The following FRMD4A variants were observed in gnomAD, a reference collection of about 807,000 sequenced individuals.
The protein encoded by FRMD4A is FERM domain-containing protein 4A.
In FRMD4A, 29 loss-of-function variants were observed where a neutral mutation model predicts 129.1. The observed-to-expected ratio is 0.22, with a 90% confidence interval of 0.17 to 0.31. FRMD4A has a LOEUF of 0.31. Ranked by LOEUF, FRMD4A falls within the 10% of genes least tolerant of loss-of-function variation. FRMD4A has a pLI of 1.00. For missense variants in FRMD4A, 1,272 were observed against 1,375.8 expected (o/e 0.92, Z 1.19); for synonymous variants, 634 against 571.6 (o/e 1.11, Z -1.56).
chr10:14,032,698 C>G (rs7907857), intron 2 of FRMD4A, among the ~76,000 whole-genome samples: 31,594 of 152,168 alleles, frequency 0.21, 3,778 homozygotes, highest in East Asian at 0.44. Context: ...TGTTCTGTGC[C>G]GTGTCCACCA....
intron 3 of FRMD4A, among the ~76,000 whole-genome samples, chr10:13,851,538 A>G (rs1360634917): frequency 6.6e-6 from 1 of 152,000 alleles, no homozygotes; most frequent in Non-Finnish European, 1.5e-5. Context: ...CAGCAGCAGC[A>G]TTAGATTCTC....
intron 2 of FRMD4A, among the ~76,000 whole-genome samples, chr10:13,987,507 A>C (rs894961781): frequency 6.6e-6 from 1 of 152,226 alleles, no homozygotes; most frequent in African/African-American, 2.4e-5. Flanking sequence ...GTGATATTTC[A>C]GTACTTGAGT....
chr10:14,322,236 C>A (rs191998487), intron 2 of FRMD4A, among the ~76,000 whole-genome samples: 497 of 152,208 alleles, frequency 3.3e-3, no homozygotes, highest in South Asian at 9.1e-3. Flanking sequence ...GAAACTGAGG[C>A]AGCAGAAGCA....
At chr10:13,702,540 ATGTGTGTGTGTGTG>A (rs398012859) in intron 13 of FRMD4A, among the ~76,000 whole-genome samples, 7 of 107,718 alleles carry the variant, frequency 6.5e-5, no homozygotes, top group African/African-American at 1.9e-4. Flanking sequence ...GTGTGTTTGC[ATGTGTGTGTGTGTG>A]TGTGTGTGTG....
At position 13,707,021 on chromosome 10, in the gene FRMD4A, G is replaced by A; in HGVS notation, c.836+16C>T. 1.4e-6 allele frequency: 2 copies of A among 1,406,148 alleles called. No individual in the cohort carries two copies. Among genetic ancestry groups the A allele is most frequent in the Non-Finnish European group, 2.0e-6 (2 of 990,234 alleles). The allele number at this position is 1,406,148 out of a possible 1,614,324, so 87.1% of individuals were successfully genotyped here. A position where few individuals can be genotyped will look rare whatever the true frequency, so the allele number is the denominator to read the frequency against. ...GAGCCACGCCATCCCGCAAGAAAAG[G>A]ACTTTTCAAGCTTACCTGCGTGGGT... On this transcript the variant is annotated intron_variant, in intron 13 of 24. Transcript: ENST00000357447.
chr10:14,158,837 A>G (rs1024810862), intron 2 of FRMD4A, among the ~76,000 whole-genome samples: 5 of 137,030 alleles, frequency 3.6e-5, no homozygotes, highest in Non-Finnish European at 6.3e-5. Context: ...AGGAGGAGAA[A>G]GAGGAGGAGG....
intron 2 of FRMD4A, among the ~76,000 whole-genome samples, chr10:14,115,717 C>T (rs895958997): frequency 2.6e-5 from 4 of 152,194 alleles, no homozygotes; most frequent in Non-Finnish European, 5.9e-5. Flanking sequence ...CTCTCTCTTG[C>T]CATGTGACAT....
chr10:14,068,950 G>T (rs114852962), intron 2 of FRMD4A, among the ~76,000 whole-genome samples: 1 of 140,698 alleles, frequency 7.1e-6, no homozygotes. Flanking sequence ...AATACGTCTC[G>T]AATGTTTTGT....
chr10:13,664,487 T>A (rs969703646), intron 18 of FRMD4A, among the ~76,000 whole-genome samples: 3 of 151,964 alleles, frequency 2.0e-5, no homozygotes, highest in Admixed American at 6.6e-5. Context: ...AAAAGAATTT[T>A]AAAAAATTCT....
intron 2 of FRMD4A, among the ~76,000 whole-genome samples, chr10:14,221,737 T>A (rs78081069): frequency 2.1e-5 from 3 of 139,910 alleles, no homozygotes; most frequent in South Asian, 4.6e-4. Flanking sequence ...TTTTTTTTTT[T>A]AGAGATGGGG....
chr10:14,069,039 TC>T (rs1198030252), intron 2 of FRMD4A, among the ~76,000 whole-genome samples: 2 of 152,028 alleles, frequency 1.3e-5, no homozygotes, highest in Non-Finnish European at 2.9e-5. Flanking sequence ...AACACCTCCA[TC>T]CCCACCCCCA....
chr10:13,771,801 T>C (rs1373801769), intron 6 of FRMD4A, among the ~76,000 whole-genome samples: 1 of 152,040 alleles, frequency 6.6e-6, no homozygotes, highest in African/African-American at 2.4e-5. Flanking sequence ...CATTGCCAGC[T>C]GGGTGCGGTG....
intron 2 of FRMD4A, among the ~76,000 whole-genome samples, chr10:13,948,606 G>A (rs1479269320): frequency 6.6e-6 from 1 of 151,760 alleles, no homozygotes; most frequent in Non-Finnish European, 1.5e-5. Flanking sequence ...CAGAGAGCAG[G>A]TGGTGGGGAT....
chr10:14,103,815 C>T (rs576807728), intron 2 of FRMD4A, among the ~76,000 whole-genome samples: 1 of 152,232 alleles, frequency 6.6e-6, no homozygotes, highest in African/African-American at 2.4e-5. Context: ...TCCCTCCCTC[C>T]CTATCATCTA....
intron 2 of FRMD4A, among the ~76,000 whole-genome samples, chr10:14,103,178 C>A (rs1588980231): frequency 6.6e-6 from 1 of 152,308 alleles, no homozygotes; most frequent in South Asian, 2.1e-4. Flanking sequence ...GGCCAGCATC[C>A]ACCCCAAGAT....
chr10:14,081,168 G>A (rs967985913), intron 2 of FRMD4A, among the ~76,000 whole-genome samples: 3 of 152,132 alleles, frequency 2.0e-5, no homozygotes, highest in East Asian at 3.9e-4. Flanking sequence ...ATAAAACCAC[G>A]GTAGTCAAGT....
At chr10:14,116,721 C>A (rs1475442093) in intron 2 of FRMD4A, among the ~76,000 whole-genome samples, 1 of 152,146 alleles carries the variant, frequency 6.6e-6, no homozygotes, top group African/African-American at 2.4e-5. Context: ...GTCCCCTGGC[C>A]CTCCATAAAT....
At chr10:13,681,277 G>A (rs1317199539) in intron 15 of FRMD4A, among the ~76,000 whole-genome samples, 1 of 152,156 alleles carries the variant, frequency 6.6e-6, no homozygotes, top group Non-Finnish European at 1.5e-5. Context: ...TCATTAACCA[G>A]TGCCTAAAGG....
At chr10:14,153,767 A>G (rs1180245131) in intron 2 of FRMD4A, among the ~76,000 whole-genome samples, 2 of 152,234 alleles carry the variant, frequency 1.3e-5, no homozygotes, top group South Asian at 2.1e-4. Flanking sequence ...ACTGGGAAGC[A>G]CTGGCAGAAA....
Sources: allele counts gnomAD v4.1 joint callset (sites outside exome capture counted in the v4.1 genomes callset), GRCh38; gene constraint gnomAD v4.1.1; transcripts MANE v1.5; gene names NCBI Gene and HGNC (gene_info 2026-07-23, HGNC 2026-07-21).